The following GLB1L variants were observed in gnomAD, a reference collection of about 807,000 sequenced individuals.
GLB1L encodes the protein beta-galactosidase-1-like protein.
A neutral mutation model predicts 75.7 loss-of-function variants in GLB1L; 58 were observed. That is an observed-to-expected ratio of 0.77 (90% CI 0.62 to 0.95). GLB1L has a LOEUF of 0.95. Ranked by LOEUF, GLB1L falls within the 40% of genes least tolerant of loss-of-function variation. GLB1L has a pLI of 0.00. For synonymous variants in GLB1L, 296 were observed against 303.0 expected (o/e 0.98, Z 0.24); for missense variants, 797 against 805.5 (o/e 0.99, Z 0.13).
Position 219,240,035 on chromosome 2 carries a change from A to G in GLB1L, c.606T>C (p.Ala202=). The G allele has an allele frequency of 6.2e-7, 1 of 1,614,124 alleles. No individual in the cohort carries two copies. Among genetic ancestry groups the G allele is most frequent in the East Asian group, 2.2e-5 (1 of 44,890 alleles). Residue 202 remains alanine (A), a synonymous_variant, in exon 7 of 17, where the codon GCT becomes GCC. Coordinates refer to ENST00000295759, the MANE Select transcript of GLB1L (RefSeq NM_001286423.2). ...ACDFSYMRHL[A]GLFRALLGEK... ...CTCCTAGCAGTGCACGGAAGAGCCC[A>G]GCCAAGTGCCTCATGTAGCTGAAGT...
In GLB1L at chr2:219,236,736, T is replaced by G; in HGVS notation, c.*336A>C. ...GCCAGCACCAAGGGATCCTGCCCAC[T>G]CCATGTCCCAGGTCCAAGGGTTACT... On this transcript the variant is annotated 3_prime_UTR_variant, in exon 17 of 17. Coordinates refer to ENST00000295759, the MANE Select transcript of GLB1L (RefSeq NM_001286423.2). The G allele has an allele frequency of 2.5e-6, 1 of 398,810 alleles. No homozygotes were observed. The highest frequency in any genetic ancestry group is 4.5e-6 in the Non-Finnish European group (1 of 224,628). 24.7% of individuals were successfully genotyped at this position (398,810 alleles called of 1,614,324 possible).
At position 219,242,809 on chromosome 2, in the gene GLB1L, T is replaced by A. The variant is rs182434769; in HGVS notation, c.349A>T (p.Ile117Leu). The A allele has an allele frequency of 6.2e-7, 1 of 1,614,214 alleles. No individual in the cohort carries two copies. Among genetic ancestry groups the A allele is most frequent in the Non-Finnish European group, 8.5e-7 (1 of 1,180,030 alleles). ...CAGATGTAAGGTCCTGGTCTCAGTA[T>A]GACCAACAGGTTCGCTAGAGCTGCC... ...NEAALANLLV[I>L]LRPGPYICAE... is the part of the protein sequence containing the mutation. The change falls in exon 4 of 17, where the codon ATA (isoleucine) becomes TTA (leucine). Residue 117 changes from isoleucine (I) to leucine (L), a missense_variant. Transcript: ENST00000295759.
At chr2:219,242,616 G>C (rs759001077) in intron 4 of GLB1L, 42 bp from the exon 5 acceptor site, 1 of 1,582,844 alleles carries the variant, frequency 6.3e-7, no homozygotes, top group South Asian at 1.1e-5. Flanking sequence ...TGTAGGTTTT[G>C]TTTTGGGGTG....
At chr2:219,240,326 C>A in intron 5 of GLB1L, 41 bp from the exon 6 acceptor site, 2 of 1,436,784 alleles carry the variant, frequency 1.4e-6, no homozygotes, top group Non-Finnish European at 2.0e-6. Flanking sequence ...GTGCTACCAT[C>A]ACACTTGCTC....
chr2:219,241,442 G>GTATGTA lies in GLB1L; in HGVS notation c.451+1071_451+1072insTACATA, dbSNP rs1951388703. Among the ~76,000 whole-genome samples, 6 of 82,902 alleles carry GTATGTA rather than the reference G, an allele frequency of 7.2e-5. No individual in the cohort carries two copies. The South Asian group carries it at 3.1e-3, about 43-fold the overall frequency. The allele number at this position is 82,902 out of a possible 152,430, so 54.4% of individuals were successfully genotyped here. A position where few individuals can be genotyped will look rare whatever the true frequency, so the allele number is the denominator to read the frequency against. ...TGTGTGTGTGTGTGTGTGTGTGTGTGTATATATATATATATATATATATAC... is the reference window on the plus strand; with the variant it reads ...TGTGTGTGTGTGTGTGTGTGTGTGTGTATGTATATATATATATATATATATATATAC... On this transcript the variant is annotated intron_variant, in intron 5 of 16. Coordinates refer to ENST00000295759, the MANE Select transcript of GLB1L (RefSeq NM_001286423.2).
Position 219,238,748 on chromosome 2 carries a change from G to A in GLB1L, c.1094C>T (p.Pro365Leu), listed in dbSNP as rs137908162. 9.3e-6 allele frequency: 15 copies of A among 1,613,888 alleles called. 1 individual carries two copies. The African/African-American group carries it at 2.0e-4, about 22-fold the overall frequency. Residue 365 changes from proline (P) to leucine (L), a missense_variant, in exon 12 of 17, where the codon CCC (proline) becomes CTC (leucine). Coordinates refer to ENST00000295759, the MANE Select transcript of GLB1L (RefSeq NM_001286423.2). ...TCCAAGCATCATCTTGGGGCTCGGG[G>A]GAGGTAAAGGTCCCAAAGGAACTTC... ...FQEVPLGPLP[P>L]PSPKMMLGPV...
chr2:219,239,493 A>C, intron 9 of GLB1L, 42 bp from the exon 10 acceptor site: 1 of 1,612,766 alleles, frequency 6.2e-7, no homozygotes, highest in Non-Finnish European at 8.5e-7. Flanking sequence ...AAGCTGACTC[A>C]CTGAATCTTA....
Position 219,237,076 on chromosome 2 carries a change from T to C in GLB1L, c.1961A>G (p.His654Arg). The C allele has an allele frequency of 6.2e-7, 1 of 1,601,406 alleles. No homozygotes were observed. Among genetic ancestry groups the C allele is most frequent in the Non-Finnish European group, 8.6e-7 (1 of 1,169,562 alleles). ...CCACCATGCCCGGCCTACCTTTCAG[T>C]GCCCACTTAACTCCATTGGTTCAGA... is the stretch of plus-strand genomic sequence containing the variant. The part of the protein sequence containing the change: ...SASEPMELSG[H>R] The change falls in exon 17 of 17, where the codon CAC (histidine) becomes CGC (arginine). Residue 654 changes from histidine to arginine, a missense_variant. Coordinates refer to ENST00000295759, the MANE Select transcript of GLB1L (RefSeq NM_001286423.2).
chr2:219,238,534 A>T lies in GLB1L; in HGVS notation c.1188T>A (p.Ile396=), dbSNP rs1951308699. Residue 396 remains isoleucine (I), a synonymous_variant, in exon 13 of 17, where the codon ATT becomes ATA. Coordinates refer to ENST00000295759, the MANE Select transcript of GLB1L (RefSeq NM_001286423.2). ...FLDLLCPRGP[I]HSILPMTFEA... ...CAAAGGTCATTGGCAAGATTGAATG[A>T]ATGGGCCCACGGGGGCAAAGCAAGT... The T allele has an allele frequency of 6.2e-7, 1 of 1,614,076 alleles. No homozygotes were observed.
rs1161818989 is a variant in GLB1L at position 219,237,887 on chromosome 2, A to C, written c.1412T>G (p.Leu471Arg). Residue 471 changes from leucine to arginine, a missense_variant, in exon 15 of 17, where the codon CTG becomes CGG. Coordinates refer to ENST00000295759, the MANE Select transcript of GLB1L (RefSeq NM_001286423.2). ...LFLTGKLGSK[L>R]DILVENMGRL... is the part of the protein sequence containing the mutation. ...CCCCATGTTCTCCACCAAGATATCC[A>C]GTTTGGACCCCAGTTTCCCCGTCAA... 1.9e-6 allele frequency: 3 copies of C among 1,614,014 alleles called. No individual in the cohort carries two copies. The African/African-American group carries it at 4.0e-5, about 22-fold the overall frequency.
chr2:219,237,459 G>C (rs1951277926), intron 16 of GLB1L, 53 bp downstream of exon 16: 1 of 1,605,832 alleles, frequency 6.2e-7, no homozygotes, highest in African/African-American at 1.3e-5. Context: ...CCCTCCTTCT[G>C]TGATTTTTCT....
intron 8 of GLB1L, 41 bp downstream of exon 8, chr2:219,239,734 A>C (rs761332404): frequency 4.3e-6 from 7 of 1,614,050 alleles, no homozygotes; most frequent in Non-Finnish European, 5.9e-6. Context: ...AGCTGGACCC[A>C]TTCCTATCCC....
At position 219,241,412 on chromosome 2, in the gene GLB1L, ATGTGTGTG is replaced by A. The variant is rs745647003; in HGVS notation, c.451+1094_451+1101del. ...AACAAAATAAAAATAATATATATAT[ATGTGTGTG>A]TGTGTGTGTGTGTGTGTGTGTGTAT... On this transcript the variant is annotated intron_variant, in intron 5 of 16. Transcript: ENST00000295759. Among the ~76,000 whole-genome samples the A allele has an allele frequency of 2.7e-3, 277 of 102,512 alleles. 36 individuals are homozygous for A. The highest frequency in any genetic ancestry group is 5.6e-3 in the Middle Eastern group (1 of 178). 67.3% of individuals were successfully genotyped at this position (102,512 alleles called of 152,430 possible). A position where few individuals can be genotyped will look rare whatever the true frequency, so the allele number is the denominator to read the frequency against.
Position 219,240,230 on chromosome 2 carries a change from T to C in GLB1L, c.507A>G (p.Pro169=), listed in dbSNP as rs748470342. Residue 169 remains proline (P), a synonymous_variant, in exon 6 of 17, where the codon CCA becomes CCG. Transcript: ENST00000295759. ...WFKVLLPKIY[P]WLYHNGGNII... is the part of the protein sequence containing the mutation. ...TGTTGCCCCCATTGTGATAAAGCCA[T>C]GGATATATCTTGGGCAGCAAGACCT... is the stretch of plus-strand genomic sequence containing the variant. The C allele has an allele frequency of 1.9e-6, 3 of 1,614,206 alleles. No homozygotes were observed. Among genetic ancestry groups the C allele is most frequent in the Non-Finnish European group, 1.7e-6 (2 of 1,180,036 alleles).
chr2:219,241,337 C>T (rs55778922), intron 5 of GLB1L, among the ~76,000 whole-genome samples: 6,437 of 146,974 alleles, frequency 0.044, 268 homozygotes, highest in East Asian at 0.12. Context: ...CGAGATTGCG[C>T]CACTGCACTC....
intron 11 of GLB1L, 57 bp from the exon 12 acceptor site, chr2:219,238,836 C>A: frequency 6.8e-7 from 1 of 1,473,018 alleles, no homozygotes. Flanking sequence ...ATACCTATTC[C>A]AAGACTCTAG....
In GLB1L at chr2:219,238,337, G is replaced by T. The variant is rs187010736; in HGVS notation, c.1254C>A (p.Thr418=). Residue 418 remains threonine, a synonymous_variant, in exon 14 of 17, where the codon ACC becomes ACA. Transcript: ENST00000295759. ...KQDHGFMLYR[T]YMTHTIFEPT... is the part of the protein sequence containing the mutation. ...GCTCAAAAATGGTATGGGTCATATA[G>T]GTTCGGTACAACATGAAGCCATGGT... is the stretch of plus-strand genomic sequence containing the variant. 4 of 1,611,202 alleles carry T rather than the reference G, an allele frequency of 2.5e-6. No homozygotes were observed. The East Asian group carries it at 6.7e-5, about 27-fold the overall frequency.
Position 219,243,061 on chromosome 2 carries a change from G to A in GLB1L, c.239+87C>T, listed in dbSNP as rs578053621. 2.1e-5 allele frequency: 33 copies of A among 1,541,974 alleles called. 1 individual carries two copies. The South Asian group carries it at 3.0e-4, about 14-fold the overall frequency. ...TCCCACCCTTGGCCTAGGAGTCCTG[G>A]CAGTCTTCCTGTCCCGACCTTCTTT... is the stretch of plus-strand genomic sequence containing the variant. On this transcript the variant is annotated intron_variant, in intron 3 of 16. Coordinates refer to ENST00000295759, the MANE Select transcript of GLB1L (RefSeq NM_001286423.2).
intron 5 of GLB1L, among the ~76,000 whole-genome samples, chr2:219,241,463 T>TATATATATATATATATAC (rs1202119681): frequency 7.3e-6 from 1 of 137,578 alleles, no homozygotes; most frequent in Non-Finnish European, 1.6e-5. Flanking sequence ...TATATATATA[T>TATATATATATATATATAC]ATACATACAT....
Sources: gnomAD v4.1 joint callset for allele counts (sites outside exome capture counted in the v4.1 genomes callset) on GRCh38, gnomAD v4.1.1 for gene constraint, MANE v1.5 for transcripts, NCBI Gene and HGNC (gene_info 2026-07-23, HGNC 2026-07-21) for gene names.